The following RBM20 variants were observed in gnomAD, a reference collection of about 807,000 sequenced individuals.
The protein encoded by RBM20 is RNA-binding protein 20.
Under a neutral mutation model 110.1 loss-of-function variants are expected in RBM20, and 51 were observed. That is an observed-to-expected ratio of 0.46 (90% CI 0.37 to 0.59). The LOEUF (loss-of-function observed/expected upper bound fraction) is 0.59, where lower values mean the gene tolerates loss of function less well. RBM20 is among the 20% of genes least tolerant of loss of function. The pLI is 0.00. For synonymous variants in RBM20, 589 were observed against 618.2 expected (o/e 0.95, Z 0.70); for missense variants, 1,512 against 1,574.9 (o/e 0.96, Z 0.68).
intron 7 of RBM20, among the ~76,000 whole-genome samples, chr10:110,809,853 A>C (rs1324210787): frequency 6.6e-6 from 1 of 151,980 alleles, no homozygotes; most frequent in Non-Finnish European, 1.5e-5. Flanking sequence ...ACCCAATACA[A>C]CTCCAAGAGT....
At chr10:110,686,583 A>G (rs1862508394) in intron 1 of RBM20, among the ~76,000 whole-genome samples, 1 of 152,010 alleles carries the variant, frequency 6.6e-6, no homozygotes, top group South Asian at 2.1e-4. Context: ...CTAGGATCCC[A>G]CCACTGCATC....
At chr10:110,697,259 A>T (rs1862679081) in intron 1 of RBM20, among the ~76,000 whole-genome samples, 1 of 151,930 alleles carries the variant, frequency 6.6e-6, no homozygotes, top group South Asian at 2.1e-4. Flanking sequence ...CGTCCCCCTG[A>T]AGATGGGTGT....
intron 5 of RBM20, among the ~76,000 whole-genome samples, chr10:110,785,796 C>T (rs192717253): frequency 7.3e-5 from 11 of 151,108 alleles, no homozygotes; most frequent in African/African-American, 9.8e-5. Flanking sequence ...TAGCATTCAG[C>T]GCTGGCTTAG....
chr10:110,751,982 A>G (rs188492431), intron 1 of RBM20, among the ~76,000 whole-genome samples: 26 of 152,028 alleles, frequency 1.7e-4, no homozygotes, highest in Non-Finnish European at 4.4e-5. Context: ...AGCCTCCCCT[A>G]TGGCCAACAT....
At chr10:110,730,446 A>G (rs2134950222) in intron 1 of RBM20, among the ~76,000 whole-genome samples, 1 of 152,276 alleles carries the variant, frequency 6.6e-6, no homozygotes, top group Non-Finnish European at 1.5e-5. Flanking sequence ...CAGGTCCTCC[A>G]GCAGAAATGA....
At chr10:110,700,850 T>C (rs537166980) in intron 1 of RBM20, among the ~76,000 whole-genome samples, 3 of 152,140 alleles carry the variant, frequency 2.0e-5, no homozygotes, top group South Asian at 2.1e-4. Flanking sequence ...AGCCTGTCTC[T>C]ACTAAAATAA....
intron 1 of RBM20, among the ~76,000 whole-genome samples, chr10:110,726,289 C>T (rs1405381985): frequency 6.6e-6 from 1 of 152,130 alleles, no homozygotes; most frequent in African/African-American, 2.4e-5. Context: ...GGTCATGATA[C>T]CACCCAGCAT....
chr10:110,802,383 C>CTTTTTT (rs200758964), intron 7 of RBM20, among the ~76,000 whole-genome samples: 14 of 135,220 alleles, frequency 1.0e-4, no homozygotes, highest in South Asian at 2.4e-4. Flanking sequence ...CAGAACCTGG[C>CTTTTTT]TTTTTTTTTT....
chr10:110,790,934 A>C (rs887391419), intron 5 of RBM20, among the ~76,000 whole-genome samples: 1 of 152,208 alleles, frequency 6.6e-6, no homozygotes, highest in South Asian at 2.1e-4. Flanking sequence ...ATGACCTCCC[A>C]ATTTTAACGT....
At position 110,812,551 on chromosome 10, in the gene RBM20, G is replaced by C; in HGVS notation, c.2154G>C (p.Leu718=). 1 of 1,551,764 alleles carries C rather than the reference G, an allele frequency of 6.4e-7. No individual in the cohort carries two copies. The highest frequency in any genetic ancestry group is 8.7e-7 in the Non-Finnish European group (1 of 1,147,006). ...ATCGCAAACACCACCCCCGGCAACT[G>C]GACAAGGCTGAGTTGGACGAGCGAC... ...AHDRKHHPRQ[L]DKAELDERPE... is the part of the protein sequence containing the mutation. The change falls in exon 9 of 14, where the codon CTG becomes CTC. Residue 718 remains leucine (L), a synonymous_variant. Coordinates refer to ENST00000369519, the MANE Select transcript of RBM20 (RefSeq NM_001134363.3).
intron 1 of RBM20, among the ~76,000 whole-genome samples, chr10:110,674,218 G>T (rs1862300853): frequency 6.6e-6 from 1 of 152,162 alleles, no homozygotes; most frequent in South Asian, 2.1e-4. Context: ...ATCTGTGTAG[G>T]ATGGAAGTCA....
At chr10:110,759,464 A>G (rs984519715) in intron 1 of RBM20, among the ~76,000 whole-genome samples, 3 of 152,248 alleles carry the variant, frequency 2.0e-5, no homozygotes, top group Non-Finnish European at 4.4e-5. Flanking sequence ...AAGAAATAAG[A>G]GAAAAAGAAA....
Position 110,644,511 on chromosome 10 carries a change from G to A in RBM20, c.57G>A (p.Pro19=), listed in dbSNP as rs781263787. ...QDADPSGPEQ[P]DRVACSVPGA... Reference sequence around the variant, plus strand: ...CGGACCCCAGCGGTCCGGAGCAGCCGGACAGAGTTGCCTGCAGTGTGCCTG... The same window carrying A: ...CGGACCCCAGCGGTCCGGAGCAGCCAGACAGAGTTGCCTGCAGTGTGCCTG... The change falls in exon 1 of 14, where the codon CCG becomes CCA. Residue 19 remains proline, a synonymous_variant. Coordinates refer to ENST00000369519, the MANE Select transcript of RBM20 (RefSeq NM_001134363.3). This position sits in a 1 kb window ranked among gnomAD's most constrained non-coding sequence, Gnocchi z 4.3. The A allele has an allele frequency of 1.3e-6, 2 of 1,527,274 alleles. No individual in the cohort carries two copies. The highest frequency in any genetic ancestry group is 2.4e-5 in the South Asian group (2 of 82,196). The allele number at this position is 1,527,274 out of a possible 1,614,324, so 94.6% of individuals were successfully genotyped here.
intron 9 of RBM20, among the ~76,000 whole-genome samples, chr10:110,819,247 T>A (rs1422340385): frequency 6.6e-6 from 1 of 152,254 alleles, no homozygotes; most frequent in East Asian, 1.9e-4. Flanking sequence ...TTTCTAGGAC[T>A]AGATAGTAAA....
chr10:110,702,551 A>G (rs1238337965), intron 1 of RBM20, among the ~76,000 whole-genome samples: 2 of 152,212 alleles, frequency 1.3e-5, no homozygotes, highest in African/African-American at 4.8e-5. Flanking sequence ...AAATACATAA[A>G]TGAAGTTGAA....
At chr10:110,655,290 C>A (rs183285172) in intron 1 of RBM20, among the ~76,000 whole-genome samples, 1 of 126,976 alleles carries the variant, frequency 7.9e-6, no homozygotes, top group African/African-American at 3.0e-5. Flanking sequence ...TTTTTTTTCC[C>A]CTTAAAACTT....
chr10:110,798,405 A>G (rs1186096927), intron 6 of RBM20, among the ~76,000 whole-genome samples: 1 of 152,254 alleles, frequency 6.6e-6, no homozygotes, highest in Non-Finnish European at 1.5e-5. Context: ...ATCTCTCTCC[A>G]TCAACCTGGA....
chr10:110,737,189 A>AAAC (rs1203258654), intron 1 of RBM20, among the ~76,000 whole-genome samples: 4 of 142,662 alleles, frequency 2.8e-5, no homozygotes, highest in African/African-American at 1.0e-4. Context: ...AAAAAAAAAA[A>AAAC]AAAAAAAACA....
At position 110,785,913 on chromosome 10, in the gene RBM20, G is replaced by T. The variant is rs116828488; in HGVS notation, c.1527+1024G>T. The stretch of plus-strand genomic sequence containing the variant: ...AATTTTGAAGCTTGAACCAGAAAGT[G>T]TGTGAAAGTAAGGACTACGCACCAG... On this transcript the variant is annotated intron_variant, in intron 5 of 13. Transcript: ENST00000369519. Among the ~76,000 whole-genome samples the T allele has an allele frequency of 3.4e-3, 523 of 152,302 alleles. 3 individuals carry two copies. The highest frequency in any genetic ancestry group is 0.012 in the African/African-American group (494 of 41,570).
Sources: gnomAD v4.1 joint callset for allele counts (sites outside exome capture counted in the v4.1 genomes callset) on GRCh38, gnomAD v4.1.1 for gene constraint, Gnocchi (gnomAD v3.1) non-coding constraint, MANE v1.5 for transcripts, NCBI Gene and HGNC (gene_info 2026-07-23, HGNC 2026-07-21) for gene names.